Variants in BMPER observed in about 807,000 individuals in gnomAD.
BMPER encodes BMP-binding endothelial regulator protein.
Under a neutral mutation model 87.3 loss-of-function variants are expected in BMPER, and 45 were observed. The observed-to-expected ratio is 0.52, with a 90% CI of 0.41 to 0.66. BMPER has a LOEUF of 0.66. Among genes scored for constraint, BMPER ranks in the 30% least tolerant of loss-of-function variants. The pLI, the probability that BMPER is intolerant of heterozygous loss-of-function variation, is 0.00. For synonymous variants in BMPER, 326 were observed against 316.2 expected (o/e 1.03, Z -0.33); for missense variants, 784 against 867.5 (o/e 0.90, Z 1.21).
At chr7:34,118,429 C>T (rs186295159) in intron 13 of BMPER, among the ~76,000 whole-genome samples, 34 of 152,334 alleles carry the variant, frequency 2.2e-4, no homozygotes, top group Admixed American at 2.0e-3. Flanking sequence ...GCAAGGCGTT[C>T]CATGCTCAAA....
chr7:34,115,707 G>T (rs1035827230), intron 13 of BMPER, among the ~76,000 whole-genome samples: 2 of 152,136 alleles, frequency 1.3e-5, no homozygotes, highest in Non-Finnish European at 2.9e-5. Flanking sequence ...CCATTGTATG[G>T]ATGTACCACA....
At chr7:33,991,586 T>G (rs1466641895) in intron 6 of BMPER, among the ~76,000 whole-genome samples, 1 of 152,212 alleles carries the variant, frequency 6.6e-6, no homozygotes, top group Non-Finnish European at 1.5e-5. Context: ...TTCATTAATT[T>G]TTTGAAGGGT....
At chr7:34,065,764 C>CCT (rs1231888634) in intron 11 of BMPER, among the ~76,000 whole-genome samples, 5 of 152,244 alleles carry the variant, frequency 3.3e-5, no homozygotes, top group Non-Finnish European at 7.3e-5. Context: ...TACTCCACCT[C>CCT]TAAAAGCATG....
chr7:34,019,199 C>T (rs1026780649), intron 6 of BMPER, among the ~76,000 whole-genome samples: 1 of 152,010 alleles, frequency 6.6e-6, no homozygotes, highest in African/African-American at 2.4e-5. Context: ...TGAAAGAGAA[C>T]ATTCCTTTCT....
intron 3 of BMPER, among the ~76,000 whole-genome samples, chr7:33,960,347 C>G (rs1442468581): frequency 6.6e-6 from 1 of 152,098 alleles, no homozygotes; most frequent in South Asian, 2.1e-4. Flanking sequence ...TATGTTTATC[C>G]CTTTTGATTA....
intron 5 of BMPER, among the ~76,000 whole-genome samples, chr7:33,972,522 C>T (rs1785574995): frequency 6.6e-6 from 1 of 152,128 alleles, no homozygotes; most frequent in Non-Finnish European, 1.5e-5. Context: ...TAAGTCCTCA[C>T]AGCCATCCAC....
chr7:34,103,926 C>G (rs962460388), intron 13 of BMPER, among the ~76,000 whole-genome samples: 3 of 152,330 alleles, frequency 2.0e-5, no homozygotes, highest in African/African-American at 7.2e-5. Flanking sequence ...TAGTGACTCT[C>G]TTTATTGGAT....
At chr7:34,048,175 G>C (rs375246805) in intron 7 of BMPER, among the ~76,000 whole-genome samples, 1 of 151,678 alleles carries the variant, frequency 6.6e-6, no homozygotes, top group African/African-American at 2.4e-5. Flanking sequence ...TATTTTTCTC[G>C]TTCCCAAATT....
intron 3 of BMPER, among the ~76,000 whole-genome samples, chr7:33,942,911 T>C (rs1002609518): frequency 5.9e-5 from 9 of 152,180 alleles, no homozygotes; most frequent in Non-Finnish European, 1.3e-4. Flanking sequence ...TGGAAATCTA[T>C]TCCAGTTATT....
At chr7:34,000,119 A>G (rs897484028) in intron 6 of BMPER, among the ~76,000 whole-genome samples, 1 of 152,214 alleles carries the variant, frequency 6.6e-6, no homozygotes, top group African/African-American at 2.4e-5. Context: ...TGTCGAGTGC[A>G]CAGGCTGGAG....
At chr7:34,078,711 T>C in intron 11 of BMPER, 146 bp from the exon 12 acceptor site, 1 of 815,892 alleles carries the variant, frequency 1.2e-6, no homozygotes, top group African/African-American at 1.7e-5. Context: ...GACACGAACC[T>C]TTAAAAACGA....
intron 6 of BMPER, among the ~76,000 whole-genome samples, chr7:34,026,003 G>T (rs1315576242): frequency 6.6e-6 from 1 of 152,042 alleles, no homozygotes; most frequent in African/African-American, 2.4e-5. Context: ...TCAGGATGAA[G>T]GCTGAAGAAC....
chr7:34,150,830 C>T (rs926130543), intron 14 of BMPER, among the ~76,000 whole-genome samples: 2 of 152,058 alleles, frequency 1.3e-5, no homozygotes, highest in African/African-American at 4.8e-5. Flanking sequence ...CCTCTAGTAG[C>T]CTATATTTGA....
At chr7:33,991,212 T>G (rs2127926092) in intron 6 of BMPER, among the ~76,000 whole-genome samples, 1 of 150,822 alleles carries the variant, frequency 6.6e-6, no homozygotes, top group East Asian at 1.9e-4. Flanking sequence ...TCCTTGTACC[T>G]CTGGTAGAAT....
intron 3 of BMPER, among the ~76,000 whole-genome samples, chr7:33,940,618 G>A (rs1585658699): frequency 6.6e-6 from 1 of 152,190 alleles, no homozygotes; most frequent in East Asian, 1.9e-4. Context: ...TCAGTGGGTA[G>A]CAGAAATTCT....
At chr7:34,081,036 T>A (rs1219165841) in intron 12 of BMPER, among the ~76,000 whole-genome samples, 1 of 152,180 alleles carries the variant, frequency 6.6e-6, no homozygotes, top group Non-Finnish European at 1.5e-5. Flanking sequence ...TGCAAGTAAT[T>A]TTCATGGAAC....
intron 14 of BMPER, among the ~76,000 whole-genome samples, chr7:34,152,467 A>G (rs1422957232): frequency 6.6e-6 from 1 of 152,208 alleles, no homozygotes; most frequent in Non-Finnish European, 1.5e-5. Context: ...TAAAGATAGT[A>G]AATTGGCTGT....
intron 2 of BMPER, among the ~76,000 whole-genome samples, chr7:33,919,923 A>ATATCTGTCTATCTATC (rs60667742): frequency 0.011 from 1,722 of 150,826 alleles, 27 homozygotes; most frequent in African/African-American, 0.04. Context: ...ATCTGTGTAC[A>ATATCTGTCTATCTATC]TATCTATCTA....
chr7:34,147,152 T>G (rs931249634), intron 14 of BMPER, among the ~76,000 whole-genome samples: 1 of 152,198 alleles, frequency 6.6e-6, no homozygotes, highest in African/African-American at 2.4e-5. Flanking sequence ...TCTTCCTCCT[T>G]GTTTGGCTCT....
Sources: allele counts gnomAD v4.1 joint callset (sites outside exome capture counted in the v4.1 genomes callset), GRCh38; gene constraint gnomAD v4.1.1; transcripts MANE v1.5; gene names NCBI Gene and HGNC (gene_info 2026-07-23, HGNC 2026-07-21).